The following DOCK10 variants were observed in gnomAD, a reference collection of about 807,000 sequenced individuals.
DOCK10 encodes dedicator of cytokinesis 10, also known as dedicator of cytokinesis protein 10.
Under a neutral mutation model 280.1 loss-of-function variants are expected in DOCK10, and 145 were observed. That is an observed-to-expected ratio of 0.52 (90% CI 0.45 to 0.59). DOCK10 has a LOEUF of 0.59. DOCK10 is among the 20% of genes least tolerant of loss of function. DOCK10 has a pLI of 0.00. For synonymous variants in DOCK10, 915 were observed against 942.2 expected (o/e 0.97, Z 0.53); for missense variants, 2,368 against 2,651.7 (o/e 0.89, Z 2.35).
rs1559660350 is a variant in DOCK10 at position 224,886,537 on chromosome 2, A to G, written c.417-6T>C. On this transcript the variant is annotated splice_region_variant and splice_polypyrimidine_tract_variant and intron_variant, in intron 4 of 55. Coordinates refer to ENST00000258390, the MANE Select transcript of DOCK10 (RefSeq NM_014689.3). ...TCTCTGGTTTGTATTCTGCTCTGAT[A>G]TTAAAAAAAAAAAAAGATTCTGATT... The G allele has an allele frequency of 1.3e-6, 2 of 1,569,850 alleles. No individual in the cohort carries two copies. Among genetic ancestry groups the G allele is most frequent in the Admixed American group, 1.8e-5 (1 of 56,616 alleles).
chr2:224,954,092 T>C (rs1480081984), intron 1 of DOCK10, among the ~76,000 whole-genome samples: 2 of 152,208 alleles, frequency 1.3e-5, no homozygotes, highest in African/African-American at 2.4e-5. Context: ...AAAGTTGTAA[T>C]ATTTGTTCAC....
chr2:224,832,211 A>G (rs1695284415), intron 26 of DOCK10, among the ~76,000 whole-genome samples: 1 of 152,186 alleles, frequency 6.6e-6, no homozygotes, highest in African/African-American at 2.4e-5. Context: ...ATACTTATAC[A>G]ATGAAGGGAT....
intron 11 of DOCK10, among the ~76,000 whole-genome samples, chr2:224,866,936 G>T (rs1036679869): frequency 9.2e-5 from 14 of 151,980 alleles, no homozygotes; most frequent in African/African-American, 3.4e-4. Context: ...TACTACTCAT[G>T]CTCCAGATAT....
At position 225,042,131 on chromosome 2, in the gene DOCK10, C is replaced by A. The variant is rs1011934397; in HGVS notation, c.123+121G>T. On this transcript the variant is annotated intron_variant, in intron 1 of 55. Transcript: ENST00000258390. The surrounding 1 kb of genome is among the most constrained non-coding windows in gnomAD (Gnocchi z 5.1). ...CGCAGAGGCGGCGGGGGAGGGAGTG[C>A]GGAGGAGAGGACCCGTGAGCTGCGG... 35 of 1,117,650 alleles carry A rather than the reference C, an allele frequency of 3.1e-5. No homozygotes were observed. Among genetic ancestry groups the A allele is most frequent in the Non-Finnish European group, 3.8e-5 (34 of 891,044 alleles). The allele number at this position is 1,117,650 out of a possible 1,614,324, so 69.2% of individuals were successfully genotyped here. A position where few individuals can be genotyped will look rare whatever the true frequency, so the allele number is the denominator to read the frequency against.
chr2:224,938,933 A>C (rs556402044), intron 1 of DOCK10, among the ~76,000 whole-genome samples: 4 of 152,336 alleles, frequency 2.6e-5, no homozygotes, highest in East Asian at 3.9e-4. Context: ...AGAATAAGCC[A>C]TCTTACACTA....
intron 1 of DOCK10, chr2:224,947,010 C>A: frequency 6.7e-7 from 1 of 1,502,024 alleles, no homozygotes; most frequent in South Asian, 1.3e-5. Flanking sequence ...TTAAACTCTT[C>A]TCTTCTGAAG....
chr2:224,965,352 C>G (rs868060330), intron 1 of DOCK10, among the ~76,000 whole-genome samples: 2 of 151,810 alleles, frequency 1.3e-5, no homozygotes, highest in African/African-American at 4.9e-5. Context: ...GAATGCCCAA[C>G]AAGTAGGCAT....
intron 28 of DOCK10, among the ~76,000 whole-genome samples, chr2:224,822,530 G>A (rs1488205030): frequency 6.6e-6 from 1 of 152,082 alleles, no homozygotes; most frequent in East Asian, 1.9e-4. Context: ...TTTGAAACCA[G>A]CCTGGGCTAC....
intron 51 of DOCK10, 90 bp from the exon 52 acceptor site, chr2:224,775,205 G>T: frequency 8.3e-7 from 1 of 1,209,368 alleles, no homozygotes; most frequent in South Asian, 1.3e-5. Context: ...TGCATCCAGA[G>T]GAGGCTGTGC....
chr2:224,896,990 C>T (rs1700023235), intron 3 of DOCK10, among the ~76,000 whole-genome samples: 2 of 152,218 alleles, frequency 1.3e-5, no homozygotes, highest in Non-Finnish European at 2.9e-5. Flanking sequence ...ACCAGATATG[C>T]TGCTAACCTC....
chr2:224,965,642 A>T (rs1385855603), intron 1 of DOCK10, among the ~76,000 whole-genome samples: 10 of 152,168 alleles, frequency 6.6e-5, no homozygotes, highest in Non-Finnish European at 1.5e-4. Flanking sequence ...TAGCTTAATT[A>T]CCTTTCTATC....
chr2:224,856,766 G>T, intron 15 of DOCK10, 94 bp downstream of exon 15: 1 of 1,188,992 alleles, frequency 8.4e-7, no homozygotes, highest in South Asian at 2.0e-5. Context: ...TGGAGGTTTG[G>T]GTGTTCGAGA....
chr2:224,924,182 A>T (rs1233148304), intron 2 of DOCK10, among the ~76,000 whole-genome samples: 7 of 152,166 alleles, frequency 4.6e-5, no homozygotes, highest in African/African-American at 7.2e-5. Flanking sequence ...ATGGCTTTTT[A>T]AAAAAACCAT....
At chr2:224,959,402 C>A (rs1201645017) in intron 1 of DOCK10, among the ~76,000 whole-genome samples, 1 of 151,202 alleles carries the variant, frequency 6.6e-6, no homozygotes, top group Non-Finnish European at 1.5e-5. Context: ...GGTAAACCTA[C>A]AACCGGACCC....
chr2:224,816,765 T>TAAAA (rs1694158739), intron 29 of DOCK10, 52 bp from the exon 30 acceptor site: 1 of 1,040,928 alleles, frequency 9.6e-7, no homozygotes, highest in Non-Finnish European at 1.4e-6. Flanking sequence ...AGAAACTGAA[T>TAAAA]AAAAACAAAC....
At chr2:224,893,534 CT>C (rs1273246057) in intron 4 of DOCK10, 3 of 281,360 alleles carry the variant, frequency 1.1e-5, no homozygotes, top group Non-Finnish European at 2.2e-5. Context: ...TTTTATGCTG[CT>C]TTTTTCTTCT....
At chr2:224,823,457 C>T (rs544910170) in intron 28 of DOCK10, 44 bp downstream of exon 28, 2 of 1,496,574 alleles carry the variant, frequency 1.3e-6, no homozygotes, top group South Asian at 1.4e-5. Context: ...TTGCATCCAC[C>T]AACATGGGGC....
chr2:225,002,323 T>C (rs1340008715), intron 1 of DOCK10, among the ~76,000 whole-genome samples: 1 of 152,184 alleles, frequency 6.6e-6, no homozygotes, highest in Non-Finnish European at 1.5e-5. Context: ...ATGAACAGAC[T>C]GTCATCCTCA....
chr2:224,899,556 G>C (rs1481011308), intron 3 of DOCK10, among the ~76,000 whole-genome samples: 1 of 152,144 alleles, frequency 6.6e-6, no homozygotes, highest in Admixed American at 6.5e-5. Flanking sequence ...GAAAGGGGCT[G>C]GGAGATTTGG....
Sources: allele counts gnomAD v4.1 joint callset (sites outside exome capture counted in the v4.1 genomes callset), GRCh38; gene constraint gnomAD v4.1.1; non-coding constraint Gnocchi (gnomAD v3.1); transcripts MANE v1.5; gene names NCBI Gene and HGNC (gene_info 2026-07-23, HGNC 2026-07-21).